The following GPR153 variants were observed in gnomAD, a reference collection of about 807,000 sequenced individuals.
GPR153 encodes the protein G protein-coupled receptor 153.
Under a neutral mutation model 34.1 loss-of-function variants are expected in GPR153, and 27 were observed. That is an observed-to-expected ratio of 0.79 (90% confidence interval 0.58 to 1.09). The LOEUF is 1.09. Ranked by LOEUF, GPR153 falls within the 50% of genes least tolerant of loss-of-function variation. The pLI is 0.00. For missense variants in GPR153, 848 were observed against 860.2 expected, an observed-to-expected ratio of 0.99 and a Z score of 0.18; for synonymous variants, 408 against 405.4, an observed-to-expected ratio of 1.01 and a Z score of -0.08.
At chr1:6,258,812 TAGCCCCGTGAC>T (rs1301494081) in intron 1 of GPR153, among the ~76,000 whole-genome samples, 2 of 150,868 alleles carry the variant, frequency 1.3e-5, no homozygotes, top group Admixed American at 1.3e-4. Context: ...AAGCTCTGTC[TAGCCCCGTGAC>T]CTTGGCCCCG....
chr1:6,249,110 C>A lies in GPR153; in HGVS notation c.*228G>T. 2.7e-6 allele frequency: 1 copy of A among 376,802 alleles called. No individual in the cohort carries two copies. 23.3% of individuals were successfully genotyped at this position (376,802 alleles called of 1,614,324 possible). On this transcript the variant is annotated 3_prime_UTR_variant, in exon 6 of 6. Coordinates refer to ENST00000377893, the MANE Select transcript of GPR153 (RefSeq NM_207370.4). The surrounding 1 kb of genome is among the most constrained non-coding windows in gnomAD (Gnocchi z 4.3). ...TCACTCAGCTCCCCAGGCCCGACCTCACTCGGCCCGGGACATGCGGTGCCC... is the reference window on the plus strand; with the variant it reads ...TCACTCAGCTCCCCAGGCCCGACCTAACTCGGCCCGGGACATGCGGTGCCC...
rs561228009 is a variant in GPR153 at position 6,255,145 on chromosome 1, T to A, written c.-109-131A>T. 4.3e-4 allele frequency: 182 copies of A among 420,076 alleles called. No individual in the cohort carries two copies. In the South Asian group the frequency reaches 6.1e-3, roughly 14 times the overall value. The allele number at this position is 420,076 out of a possible 1,614,324, so 26.0% of individuals were successfully genotyped here. On this transcript the variant is annotated intron_variant, in intron 1 of 5. Coordinates refer to ENST00000377893, the MANE Select transcript of GPR153 (RefSeq NM_207370.4). ...CCCCTGCAAAACTCATGTTGAAATT[T>A]AATTAAAACGTGTTGAGATTTAATT...
At chr1:6,255,499 G>A (rs1439083155) in intron 1 of GPR153, among the ~76,000 whole-genome samples, 2 of 151,382 alleles carry the variant, frequency 1.3e-5, no homozygotes, top group Non-Finnish European at 2.9e-5. Flanking sequence ...TTTAGAAATG[G>A]GGTCTTGATC....
rs1571238113 is a variant in GPR153 at position 6,251,223 on chromosome 1, G to A, written c.979+115C>T. ...TTGGGGGTGACACGGGGTGTCTGGT[G>A]GTTGAGAATGAAGTCACCTCCTTAG... On this transcript the variant is annotated intron_variant, in intron 4 of 5. Transcript: ENST00000377893. The surrounding 1 kb of genome is among the most constrained non-coding windows in gnomAD (Gnocchi z 4.9). 26 of 809,226 alleles carry A rather than the reference G, an allele frequency of 3.2e-5. No homozygotes were observed. The South Asian group carries it at 3.6e-4, about 11-fold the overall frequency. The allele number at this position is 809,226 out of a possible 1,614,324, so 50.1% of individuals were successfully genotyped here. A position where few individuals can be genotyped will look rare whatever the true frequency, so the allele number is the denominator to read the frequency against.
At position 6,249,369 on chromosome 1, in the gene GPR153, A is replaced by T; in HGVS notation, c.1799T>A (p.Leu600Gln). 1 of 1,342,836 alleles carries T rather than the reference A, an allele frequency of 7.4e-7. No individual in the cohort carries two copies. Among genetic ancestry groups the T allele is most frequent in the African/African-American group, 1.5e-5 (1 of 65,546 alleles). 83.2% of individuals were successfully genotyped at this position (1,342,836 alleles called of 1,614,324 possible). ...CGCGGAGCCCAGCGAGTCCGAGTGC[A>T]GCGTGGCGTAGCCCGAGGACTCGGA... ...SPSESSGYAT[L>Q]HSDSLGSAS Residue 600 changes from leucine (L) to glutamine (Q), a missense_variant, in exon 6 of 6, where the codon CTG becomes CAG. By Grantham distance (113) the Leu-to-Gln change is moderately radical. Transcript: ENST00000377893. The surrounding 1 kb of genome is among the most constrained non-coding windows in gnomAD (Gnocchi z 4.3).
rs1003518320 is a variant in GPR153 at position 6,255,032 on chromosome 1, T to TGGGCACTCAGTGAC, written c.-109-32_-109-19dup. The TGGGCACTCAGTGAC allele has an allele frequency of 3.0e-5, 19 of 627,444 alleles. No individual in the cohort carries two copies. In the African/African-American group the frequency reaches 3.5e-4, roughly 12 times the overall value. 38.9% of individuals were successfully genotyped at this position (627,444 alleles called of 1,614,324 possible). On this transcript the variant is annotated intron_variant, in intron 1 of 5. Transcript: ENST00000377893. ...ACGAGCATCTGTGGGGGGGTGGCAG[T>TGGGCACTCAGTGAC]GGGCACTCAGTGACTTCCTCTCTGG...
At chr1:6,250,933 G>C (rs997218103) in intron 4 of GPR153, among the ~76,000 whole-genome samples, 2 of 152,198 alleles carry the variant, frequency 1.3e-5, no homozygotes, top group Non-Finnish European at 2.9e-5. Flanking sequence ...TGCCTGGACA[G>C]AGCACGGGCT....
Position 6,256,513 on chromosome 1 carries a change from A to G in GPR153, c.-109-1499T>C, listed in dbSNP as rs528233154. On this transcript the variant is annotated intron_variant, in intron 1 of 5. Coordinates refer to ENST00000377893, the MANE Select transcript of GPR153 (RefSeq NM_207370.4). Reference sequence around the variant, plus strand: ...GCCCCGAGTGGCTGGGACTACATGCATACACCACCATGCTCGGCTAATTTT... The same window carrying G: ...GCCCCGAGTGGCTGGGACTACATGCGTACACCACCATGCTCGGCTAATTTT... Among the ~76,000 whole-genome samples, 24 of 151,920 alleles carry G rather than the reference A, an allele frequency of 1.6e-4. No individual in the cohort carries two copies. In the South Asian group the frequency reaches 2.9e-3, roughly 18 times the overall value.
intron 4 of GPR153, 116 bp from the exon 5 acceptor site, chr1:6,250,740 A>G: frequency 1.7e-6 from 1 of 595,822 alleles, no homozygotes; most frequent in African/African-American, 1.9e-5. Context: ...TATACAAGGT[A>G]GGGGGCTGGT....
chr1:6,257,295 C>T (rs1017377048), intron 1 of GPR153, among the ~76,000 whole-genome samples: 1 of 152,216 alleles, frequency 6.6e-6, no homozygotes, highest in Non-Finnish European at 1.5e-5. Context: ...GACCACACCC[C>T]CTGAACCTCC....
intron 1 of GPR153, among the ~76,000 whole-genome samples, chr1:6,255,501 G>A (rs929247224): frequency 4.0e-5 from 6 of 151,386 alleles, no homozygotes; most frequent in Non-Finnish European, 8.8e-5. Flanking sequence ...TAGAAATGGG[G>A]TCTTGATCTA....
chr1:6,255,008 C>T lies in GPR153; in HGVS notation c.-103G>A, dbSNP rs1035192914. The T allele has an allele frequency of 7.6e-5, 62 of 816,388 alleles. No homozygotes were observed. Among genetic ancestry groups the T allele is most frequent in the African/African-American group, 4.0e-4 (23 of 57,296 alleles). The allele number at this position is 816,388 out of a possible 1,614,324, so 50.6% of individuals were successfully genotyped here. A position where few individuals can be genotyped will look rare whatever the true frequency, so the allele number is the denominator to read the frequency against. On this transcript the variant is annotated 5_prime_UTR_variant, in exon 2 of 6. It adds an upstream start codon to the 5' untranslated region. Transcript: ENST00000377893. ...GGTGGCTCAAGGATGCTGGGGACCA[C>T]GAGCATCTGTGGGGGGGTGGCAGTG...
chr1:6,250,758 A>C, intron 4 of GPR153, 134 bp from the exon 5 acceptor site: 1 of 595,736 alleles, frequency 1.7e-6, no homozygotes, highest in Non-Finnish European at 3.0e-6. Context: ...GGTTAGCTGA[A>C]AAGGGAATGG....
At position 6,249,269 on chromosome 1, in the gene GPR153, C is replaced by T; in HGVS notation, c.*69G>A. 2.7e-6 allele frequency: 3 copies of T among 1,117,858 alleles called. No homozygotes were observed. The highest frequency in any genetic ancestry group is 3.4e-6 in the Non-Finnish European group (3 of 882,868). 69.2% of individuals were successfully genotyped at this position (1,117,858 alleles called of 1,614,324 possible). ...TGTCTGCGCGCGGGGCGGAGGCGGG[C>T]GTCTTTGGTGCTGCGGCCCCGGAGA... On this transcript the variant is annotated 3_prime_UTR_variant, in exon 6 of 6. Transcript: ENST00000377893. The surrounding 1 kb of genome is among the most constrained non-coding windows in gnomAD (Gnocchi z 4.3).
chr1:6,258,330 T>C (rs1225274099), intron 1 of GPR153, among the ~76,000 whole-genome samples: 1 of 152,158 alleles, frequency 6.6e-6, no homozygotes, highest in Admixed American at 6.5e-5. Context: ...GGTTTCATCA[T>C]GTTGGCCAGG....
Position 6,260,929 on chromosome 1 carries a change from G to A in GPR153, c.-214C>T, listed in dbSNP as rs1445369046. On this transcript the variant is annotated 5_prime_UTR_variant, in exon 1 of 6. Transcript: ENST00000377893. ...GCGCAGGCCGCCGAGGGCCGCGGGGGTGGCTGGCGGCGGAGCGGCCCGCGG... is the reference window on the plus strand; with the variant it reads ...GCGCAGGCCGCCGAGGGCCGCGGGGATGGCTGGCGGCGGAGCGGCCCGCGG... 6.8e-6 allele frequency: 1 copy of A among 146,848 alleles called. No homozygotes were observed. Among genetic ancestry groups the A allele is most frequent in the African/African-American group, 2.4e-5 (1 of 40,852 alleles). The allele number at this position is 146,848 out of a possible 1,614,324, so 9.1% of individuals were successfully genotyped here.
rs1638550518 is a variant in GPR153 at position 6,255,641 on chromosome 1, C to CGT, written c.-109-629_-109-628dup. 8.5e-5 allele frequency among the ~76,000 whole-genome samples: 3 copies of CGT among 35,166 alleles called. No homozygotes were observed. In the Admixed American group the frequency reaches 1.3e-3, roughly 15 times the overall value. The allele number at this position is 35,166 out of a possible 152,430, so 23.1% of individuals were successfully genotyped here. A position where few individuals can be genotyped will look rare whatever the true frequency, so the allele number is the denominator to read the frequency against. ...AGGCCTGCACCACTATGCCTGGCTA[C>CGT]GTTTTTTTTTTTTTTTTTTTTTTTT... is the stretch of plus-strand genomic sequence containing the variant. On this transcript the variant is annotated intron_variant, in intron 1 of 5. Coordinates refer to ENST00000377893, the MANE Select transcript of GPR153 (RefSeq NM_207370.4).
In GPR153 at chr1:6,249,641, C is replaced by T; in HGVS notation, c.1527G>A (p.Glu509=). The change falls in exon 6 of 6, where the codon GAG becomes GAA. Residue 509 remains glutamate, a synonymous_variant. Transcript: ENST00000377893. This position sits in a 1 kb window ranked among gnomAD's most constrained non-coding sequence, Gnocchi z 4.3. ...GGCGGCGCAGGGCCTGTGGCTCGCACTCGAAGGCGGTCAGGGCGAAGGCGT... is the reference window on the plus strand; with the variant it reads ...GGCGGCGCAGGGCCTGTGGCTCGCATTCGAAGGCGGTCAGGGCGAAGGCGT... ...LPDAFALTAF[E]CEPQALRRPP... 9.1e-7 allele frequency: 1 copy of T among 1,096,286 alleles called. No individual in the cohort carries two copies. The highest frequency in any genetic ancestry group is 1.1e-6 in the Non-Finnish European group (1 of 902,736). 67.9% of individuals were successfully genotyped at this position (1,096,286 alleles called of 1,614,324 possible).
rs142056833 is a variant in GPR153, at chr1:6,255,748, G to A, written c.-109-734C>T. ...GCTCACTATAACCTTCACCTCCTGC[G>A]TTCAAGCAATTCTCCGGCCTCAGCC... On this transcript the variant is annotated intron_variant, in intron 1 of 5. Coordinates refer to ENST00000377893, the MANE Select transcript of GPR153 (RefSeq NM_207370.4). 7.4e-3 allele frequency among the ~76,000 whole-genome samples: 1,051 copies of A among 142,380 alleles called. 10 individuals are homozygous for A. The highest frequency in any genetic ancestry group is 0.012 in the Non-Finnish European group (820 of 66,870). 93.4% of individuals were successfully genotyped at this position (142,380 alleles called of 152,430 possible).
Sources: gnomAD v4.1 joint callset for allele counts (sites outside exome capture counted in the v4.1 genomes callset) on GRCh38, gnomAD v4.1.1 for gene constraint, Gnocchi (gnomAD v3.1) non-coding constraint, MANE v1.5 for transcripts, NCBI Gene and HGNC (gene_info 2026-07-23, HGNC 2026-07-21) for gene names.